Variants in DNAI3 observed in about 807,000 individuals in gnomAD.
The protein encoded by DNAI3 is WD repeat domain 63.
DNAI3 carries 83 observed loss-of-function variants against 115.5 expected under a neutral mutation model. The ratio of observed to expected loss-of-function variants is 0.72; its 90% CI spans 0.60 to 0.86. The LOEUF (loss-of-function observed/expected upper bound fraction) is 0.86. Ranked by LOEUF, DNAI3 falls within the 40% of genes least tolerant of loss-of-function variation. The pLI, the probability that DNAI3 is intolerant of heterozygous loss-of-function variation, is 0.00. For synonymous variants in DNAI3, 320 were observed against 347.0 expected (o/e 0.92, Z 0.86); for missense variants, 1,004 against 1,075.8 (o/e 0.93, Z 0.93).
intron 15 of DNAI3, among the ~76,000 whole-genome samples, chr1:85,108,935 G>A (rs1655575305): frequency 6.6e-6 from 1 of 152,168 alleles, no homozygotes; most frequent in Non-Finnish European, 1.5e-5. Context: ...AAATTGGTTG[G>A]TGCTCAAGTT....
At position 85,126,560 on chromosome 1, in the gene DNAI3, G is replaced by T. The variant is rs746992067; in HGVS notation, c.2162G>T (p.Gly721Val). The T allele has an allele frequency of 1.7e-5, 28 of 1,613,956 alleles. No homozygotes were observed. Among genetic ancestry groups the T allele is most frequent in the Middle Eastern group, 1.6e-4 (1 of 6,084 alleles). The change falls in exon 20 of 23, where the codon GGC (glycine) becomes GTC (valine). Residue 721 changes from glycine (G) to valine (V), a missense_variant. Physicochemically the swap from Gly to Val is moderately radical, Grantham distance 109. This residue lies in a region of DNAI3 where 429 missense variants were observed against 454.3 expected (regional missense o/e 0.94). Coordinates refer to ENST00000294664, the MANE Select transcript of DNAI3 (RefSeq NM_145172.5). Reference sequence around the variant, plus strand: ...TGTGCACCAAAAAGGTACACCTCAGGCCACTGGTCCCTGACTCGGCCCGGA... The same window carrying T: ...TGTGCACCAAAAAGGTACACCTCAGTCCACTGGTCCCTGACTCGGCCCGGA... The part of the protein sequence containing the change: ...SCCAPKRYTS[G>V]HWSLTRPGVF...
At position 85,126,675 on chromosome 1, in the gene DNAI3, C is replaced by A; in HGVS notation, c.2277C>A (p.Cys759Ter). 6.2e-7 allele frequency: 1 copy of A among 1,614,104 alleles called. No homozygotes were observed. The highest frequency in any genetic ancestry group is 8.5e-7 in the Non-Finnish European group (1 of 1,179,990). ...AACCAGCCCAGTCTCAAAACATTTG[C>A]ATAACTATGATCACCTACATCAAAC... ...THEPAQSQNICITMITYIKPW... is the reference protein window; with the variant it reads ...THEPAQSQNI Residue 759 changes from cysteine (C) to a stop codon, truncating the protein, a stop_gained, in exon 20 of 23, where the codon TGC becomes TGA. Transcript: ENST00000294664. LOFTEE classifies it high-confidence loss of function.
At chr1:85,064,306 G>A (rs1232514952) in intron 1 of DNAI3, among the ~76,000 whole-genome samples, 2 of 152,096 alleles carry the variant, frequency 1.3e-5, no homozygotes, top group African/African-American at 4.8e-5. Flanking sequence ...AGAAGTAATA[G>A]GATAGCATCT....
At chr1:85,129,486 C>A in intron 21 of DNAI3, among the ~76,000 whole-genome samples, 1 of 149,722 alleles carries the variant, frequency 6.7e-6, no homozygotes, top group Admixed American at 6.7e-5. Context: ...CTCCAGGGAC[C>A]AGGAATTCAG....
chr1:85,121,148 TTCTC>T (rs1557725854), intron 17 of DNAI3, among the ~76,000 whole-genome samples: 1 of 152,204 alleles, frequency 6.6e-6, no homozygotes. Flanking sequence ...AATTCATCGG[TTCTC>T]TCTGTCTTTC....
Position 85,093,978 on chromosome 1 carries a change from C to T in DNAI3, c.1048+330C>T, listed in dbSNP as rs1245084442. 1.2e-5 allele frequency: 6 copies of T among 489,928 alleles called. No individual in the cohort carries two copies. In the East Asian group the frequency reaches 3.1e-4, roughly 26 times the overall value. 30.3% of individuals were successfully genotyped at this position (489,928 alleles called of 1,614,324 possible). A position where few individuals can be genotyped will look rare whatever the true frequency, so the allele number is the denominator to read the frequency against. Reference sequence around the variant, plus strand: ...TGCTCTCCCAAGGCTAAATTTCTTCCTCCTAACACTGCCTTTCTGATTACT... The same window carrying T: ...TGCTCTCCCAAGGCTAAATTTCTTCTTCCTAACACTGCCTTTCTGATTACT... On this transcript the variant is annotated intron_variant, in intron 9 of 22. Coordinates refer to ENST00000294664, the MANE Select transcript of DNAI3 (RefSeq NM_145172.5).
intron 3 of DNAI3, among the ~76,000 whole-genome samples, chr1:85,074,710 A>AGC (rs1383426739): frequency 6.6e-6 from 1 of 152,198 alleles, no homozygotes; most frequent in African/African-American, 2.4e-5. Context: ...TGAATTAGCC[A>AGC]ATACTGGACT....
At chr1:85,076,188 C>G (rs986798451) in intron 3 of DNAI3, among the ~76,000 whole-genome samples, 23 of 152,226 alleles carry the variant, frequency 1.5e-4, no homozygotes, top group African/African-American at 5.5e-4. Context: ...TTTCCCTTGT[C>G]ACATCTCCTT....
At chr1:85,084,250 GTATATATATA>G (rs33956396) in intron 5 of DNAI3, among the ~76,000 whole-genome samples, 10 of 85,040 alleles carry the variant, frequency 1.2e-4, no homozygotes, top group East Asian at 3.6e-4. Flanking sequence ...TCAGCAGTGT[GTATATATATA>G]TATATATATA....
chr1:85,088,742 G>T (rs182107968), intron 7 of DNAI3, among the ~76,000 whole-genome samples: 3 of 152,180 alleles, frequency 2.0e-5, no homozygotes, highest in African/African-American at 7.2e-5. Context: ...GAATGGTTTT[G>T]CTGAAAAACA....
chr1:85,084,234 T>A (rs1654720192), intron 5 of DNAI3, among the ~76,000 whole-genome samples: 1 of 126,672 alleles, frequency 7.9e-6, no homozygotes, highest in Admixed American at 8.9e-5. Flanking sequence ...TATGTGTATA[T>A]ATATATCAGC....
chr1:85,119,572 CAGT>C (rs1260801926), intron 17 of DNAI3, among the ~76,000 whole-genome samples: 1 of 152,210 alleles, frequency 6.6e-6, no homozygotes, highest in Non-Finnish European at 1.5e-5. Context: ...AGTGACAACT[CAGT>C]ACAACATGAA....
At chr1:85,117,655 A>G (rs1446183274) in intron 16 of DNAI3, 74 bp from the exon 17 acceptor site, 1 of 1,577,566 alleles carries the variant, frequency 6.3e-7, no homozygotes, top group African/African-American at 1.3e-5. Flanking sequence ...AGGGGCAGAA[A>G]ATGTAAACTG....
intron 21 of DNAI3, among the ~76,000 whole-genome samples, 189 bp downstream of exon 21, chr1:85,128,988 A>G (rs768600740): frequency 1.4e-4 from 21 of 152,222 alleles, no homozygotes; most frequent in Admixed American, 2.0e-4. Flanking sequence ...AGCCCCAAAC[A>G]TGACATGGGA....
chr1:85,128,884 C>T lies in DNAI3; in HGVS notation c.2409+85C>T, dbSNP rs901718525. 51 of 1,254,194 alleles carry T rather than the reference C, an allele frequency of 4.1e-5. No homozygotes were observed. In the African/African-American group the frequency reaches 4.6e-4, roughly 11 times the overall value. 77.7% of individuals were successfully genotyped at this position (1,254,194 alleles called of 1,614,324 possible). Reference sequence around the variant, plus strand: ...TTTAAAAAAATGTTAGAAATGACAGCATTTTTGCTCTGTAAGGGAACAAAA... The same window carrying T: ...TTTAAAAAAATGTTAGAAATGACAGTATTTTTGCTCTGTAAGGGAACAAAA... On this transcript the variant is annotated intron_variant, in intron 21 of 22. Transcript: ENST00000294664.
chr1:85,128,571 G>T, intron 20 of DNAI3, 137 bp from the exon 21 acceptor site: 1 of 662,410 alleles, frequency 1.5e-6, no homozygotes. Flanking sequence ...ATGAACATCT[G>T]ATGAAAATGC....
chr1:85,094,212 C>T, intron 9 of DNAI3: 4 of 581,414 alleles, frequency 6.9e-6, no homozygotes, highest in Non-Finnish European at 1.2e-5. Context: ...ATATTTTATA[C>T]TAACAGTACA....
chr1:85,069,511 T>C lies in DNAI3; in HGVS notation c.-14-2417T>C, dbSNP rs192725234. ...TGGTGCAGCATAGTCACTCAATATA[T>C]ATATGTGGAATAAATAGTGGTGGTG... On this transcript the variant is annotated intron_variant, in intron 1 of 22. Coordinates refer to ENST00000294664, the MANE Select transcript of DNAI3 (RefSeq NM_145172.5). Among the ~76,000 whole-genome samples the C allele has an allele frequency of 2.0e-5, 3 of 152,234 alleles. No individual in the cohort carries two copies. The East Asian group carries it at 5.8e-4, about 29-fold the overall frequency.
chr1:85,103,217 G>A (rs1278910205), intron 13 of DNAI3, among the ~76,000 whole-genome samples: 3 of 152,108 alleles, frequency 2.0e-5, no homozygotes, highest in African/African-American at 4.8e-5. Context: ...AAAGTCATGC[G>A]TTTCCCTCTC....
Sources: gnomAD v4.1 joint callset for allele counts (sites outside exome capture counted in the v4.1 genomes callset) on GRCh38, gnomAD v4.1.1 for gene constraint, gnomAD v4.1.1 regional missense constraint, MANE v1.5 for transcripts, NCBI Gene and HGNC (gene_info 2026-07-23, HGNC 2026-07-21) for gene names.